APP: variants seen among roughly 807,000 people sequenced by gnomAD.
APP encodes amyloid-beta precursor protein.
Under a neutral mutation model 101.4 loss-of-function variants are expected in APP, and 31 were observed. The ratio of observed to expected loss-of-function variants is 0.31; its 90% CI spans 0.23 to 0.41. The LOEUF (loss-of-function observed/expected upper bound fraction) is 0.41. Ranked by LOEUF, APP falls within the 10% of genes least tolerant of loss-of-function variation. The probability of loss-of-function intolerance (pLI) is 1.00; values close to 1 mark genes in which losing one functional copy is unlikely to be tolerated. For synonymous variants in APP, 366 were observed against 364.4 expected (o/e 1.00, Z -0.05); for missense variants, 839 against 1,003.7 (o/e 0.84, Z 2.22).
At chr21:25,996,628 AATTATT>A (rs1412652751) in intron 8 of APP, among the ~76,000 whole-genome samples, 2 of 152,126 alleles carry the variant, frequency 1.3e-5, no homozygotes, top group African/African-American at 4.8e-5. Flanking sequence ...TTACGCTTAT[AATTATT>A]ATTAAAATTA....
intron 4 of APP, among the ~76,000 whole-genome samples, chr21:26,052,252 G>A (rs2045867178): frequency 6.6e-6 from 1 of 152,072 alleles, no homozygotes; most frequent in Non-Finnish European, 1.5e-5. Flanking sequence ...GGTGGCGGGT[G>A]GTTATCCTGT....
chr21:26,027,672 G>A (rs2044638637), intron 5 of APP, among the ~76,000 whole-genome samples: 1 of 151,956 alleles, frequency 6.6e-6, no homozygotes, highest in South Asian at 2.1e-4. Flanking sequence ...GGATTCTAGG[G>A]GCCAGCAAGT....
intron 16 of APP, among the ~76,000 whole-genome samples, chr21:25,893,995 T>C (rs1701002): frequency 0.42 from 64,161 of 151,988 alleles, 13,508 homozygotes; most frequent in Middle Eastern, 0.51. Context: ...AGACTGACCA[T>C]TGTAAAAGTC....
At chr21:26,036,143 G>A (rs572944803) in intron 5 of APP, among the ~76,000 whole-genome samples, 10 of 152,170 alleles carry the variant, frequency 6.6e-5, no homozygotes, top group African/African-American at 2.4e-4. Context: ...ATCAGGAAGA[G>A]CGAGCCAGAA....
chr21:26,043,549 G>A (rs1241881692), intron 5 of APP, among the ~76,000 whole-genome samples: 2 of 152,146 alleles, frequency 1.3e-5, no homozygotes, highest in Non-Finnish European at 2.9e-5. Flanking sequence ...CTTTTTTAAA[G>A]ACCAGTTAGT....
chr21:25,918,787 G>C (rs952253213), intron 13 of APP, among the ~76,000 whole-genome samples: 2 of 150,680 alleles, frequency 1.3e-5, no homozygotes, highest in Non-Finnish European at 2.9e-5. Flanking sequence ...ACTGCAAGGC[G>C]GCAGCGAGGC....
intron 8 of APP, among the ~76,000 whole-genome samples, chr21:25,984,654 T>C (rs2042571629): frequency 6.6e-6 from 1 of 152,182 alleles, no homozygotes; most frequent in Non-Finnish European, 1.5e-5. Flanking sequence ...GCATTTCAAG[T>C]TCCCAACTTG....
chr21:26,073,513 G>A (rs116945057), intron 3 of APP, among the ~76,000 whole-genome samples: 34 of 152,264 alleles, frequency 2.2e-4, no homozygotes, highest in Non-Finnish European at 3.8e-4. Flanking sequence ...TGGAGGTTAC[G>A]AAGATCACAC....
intron 1 of APP, among the ~76,000 whole-genome samples, chr21:26,135,095 T>G (rs1213224727): frequency 6.6e-6 from 1 of 152,254 alleles, no homozygotes; most frequent in Non-Finnish European, 1.5e-5. Flanking sequence ...GTCCTCACAC[T>G]ATTCTTAGTG....
In APP at chr21:25,982,324, G is replaced by A. The variant is rs45543035; in HGVS notation, c.1224+20C>T. On this transcript the variant is annotated intron_variant, in intron 9 of 17. Transcript: ENST00000346798. ...GTTTCCCAATATCGTAGGGCTGAAT[G>A]ATGGAAGAGCCAGACTTACCTGGGA... 1.8e-3 allele frequency: 2,952 copies of A among 1,613,378 alleles called. 54 individuals are homozygous for A. In the African/African-American group the frequency reaches 0.034, roughly 18 times the overall value.
chr21:26,028,948 GA>G (rs1568879727), intron 5 of APP, among the ~76,000 whole-genome samples: 1 of 152,158 alleles, frequency 6.6e-6, no homozygotes, highest in African/African-American at 2.4e-5. Context: ...GGTGGTCAGG[GA>G]AGGGCCCCAC....
At position 25,911,879 on chromosome 21, in the gene APP, C is replaced by A. The variant is rs201874897; in HGVS notation, c.1771G>T (p.Asp591Tyr). The change falls in exon 14 of 18, where the codon GAT (aspartate) becomes TAT (tyrosine). Residue 591 changes from aspartate (D) to tyrosine (Y), a missense_variant. Transcript: ENST00000346798. ...ISEPRISYGN[D>Y]ALMPSLTETK... ...TCGGTCAAAGATGGCATGAGAGCAT[C>A]GTTTCCGTAACTGATCCTTGGTTCA... is the stretch of plus-strand genomic sequence containing the variant. 1 of 1,614,036 alleles carries A rather than the reference C, an allele frequency of 6.2e-7. No individual in the cohort carries two copies. Among genetic ancestry groups the A allele is most frequent in the Non-Finnish European group, 8.5e-7 (1 of 1,180,038 alleles).
At chr21:26,142,549 G>A (rs552473929) in intron 1 of APP, among the ~76,000 whole-genome samples, 6 of 152,162 alleles carry the variant, frequency 3.9e-5, no homozygotes, top group South Asian at 4.2e-4. Context: ...TCGGAGGCTC[G>A]CCTGAGGCCA....
intron 11 of APP, among the ~76,000 whole-genome samples, chr21:25,966,281 T>G (rs2041794274): frequency 6.6e-6 from 1 of 152,232 alleles, no homozygotes; most frequent in Non-Finnish European, 1.5e-5. Context: ...TCTCTCATTT[T>G]CCTTCCCATT....
chr21:25,895,175 ACTT>A (rs1188019420), intron 16 of APP, among the ~76,000 whole-genome samples: 2 of 126,718 alleles, frequency 1.6e-5, no homozygotes, highest in African/African-American at 6.1e-5. Flanking sequence ...GTAAATACAA[ACTT>A]TTTTTTTTTT....
chr21:26,126,696 C>T (rs966030892), intron 1 of APP, among the ~76,000 whole-genome samples: 10 of 151,978 alleles, frequency 6.6e-5, no homozygotes, highest in South Asian at 2.1e-4. Flanking sequence ...AGGCAGCCTC[C>T]GCTGTAGGCC....
chr21:26,020,435 T>G (rs967258564), intron 6 of APP, among the ~76,000 whole-genome samples: 7 of 152,202 alleles, frequency 4.6e-5, no homozygotes, highest in African/African-American at 1.7e-4. Context: ...TATATGTAAA[T>G]TACACCTTAA....
chr21:26,060,403 G>T (rs764777297), intron 3 of APP, among the ~76,000 whole-genome samples: 1 of 152,162 alleles, frequency 6.6e-6, no homozygotes, highest in Admixed American at 6.5e-5. Context: ...GTCCTGGCTG[G>T]GAGGGGGTGT....
chr21:25,993,660 T>C (rs1215403907), intron 8 of APP, among the ~76,000 whole-genome samples: 1 of 152,226 alleles, frequency 6.6e-6, no homozygotes, highest in Non-Finnish European at 1.5e-5. Context: ...CATTTCAACA[T>C]GCCCCCAAAT....
Sources: allele counts gnomAD v4.1 joint callset (sites outside exome capture counted in the v4.1 genomes callset), GRCh38; gene constraint gnomAD v4.1.1; transcripts MANE v1.5; gene names NCBI Gene and HGNC (gene_info 2026-07-23, HGNC 2026-07-21).